The following KYNU variants were observed in gnomAD, a reference collection of about 807,000 sequenced individuals.
The protein encoded by KYNU is kynureninase.
KYNU carries 54 observed loss-of-function variants against 59.2 expected under a neutral mutation model. That is an observed-to-expected ratio of 0.91 (90% CI 0.73 to 1.14). KYNU has a LOEUF of 1.14. KYNU is among the 50% of genes most tolerant of loss of function. The pLI, the probability that KYNU is intolerant of heterozygous loss-of-function variation, is 0.00. For synonymous variants in KYNU, 177 were observed against 192.0 expected (o/e 0.92, Z 0.65); for missense variants, 567 against 554.4 (o/e 1.02, Z -0.23).
At chr2:143,023,172 A>T (rs1208271273) in intron 10 of KYNU, among the ~76,000 whole-genome samples, 1 of 151,908 alleles carries the variant, frequency 6.6e-6, no homozygotes, top group East Asian at 1.9e-4. Context: ...AGCTTTTAAA[A>T]ATCATTCTTA....
chr2:142,951,801 T>A (rs1190954891), intron 4 of KYNU, among the ~76,000 whole-genome samples: 1 of 152,244 alleles, frequency 6.6e-6, no homozygotes, highest in African/African-American at 2.4e-5. Context: ...TTTAAAGTGG[T>A]CCATTGTACA....
intron 2 of KYNU, among the ~76,000 whole-genome samples, chr2:142,890,984 C>A (rs1267151272): frequency 6.6e-6 from 1 of 151,360 alleles, no homozygotes; most frequent in Non-Finnish European, 1.5e-5. Flanking sequence ...CATTTTTTTT[C>A]TCTTAAGGAT....
At chr2:142,949,750 C>G (rs1251534613) in intron 4 of KYNU, among the ~76,000 whole-genome samples, 1 of 152,184 alleles carries the variant, frequency 6.6e-6, no homozygotes, top group Non-Finnish European at 1.5e-5. Context: ...GAGACATTTT[C>G]CCCATTGTCT....
Position 143,042,070 on chromosome 2 carries a change from C to T in KYNU, c.1296C>T (p.Gly432=), listed in dbSNP as rs750043295. 4.9e-5 allele frequency: 79 copies of T among 1,611,424 alleles called. No homozygotes were observed. The highest frequency in any genetic ancestry group is 6.4e-5 in the Non-Finnish European group (75 of 1,178,268). The change falls in exon 14 of 14, where the codon GGC becomes GGT. Residue 432 remains glycine (G), a synonymous_variant. Transcript: ENST00000264170. The stretch of plus-strand genomic sequence containing the variant: ...AGTGTGACAAGCGGAATCCAAATGG[C>T]ATTCGAGTGGCTCCAGTTCCTCTCT... ...GVVCDKRNPN[G]IRVAPVPLYN...
At chr2:142,974,941 A>G (rs1340612633) in intron 8 of KYNU, among the ~76,000 whole-genome samples, 1 of 152,094 alleles carries the variant, frequency 6.6e-6, no homozygotes, top group Non-Finnish European at 1.5e-5. Flanking sequence ...GTTATAAGCT[A>G]CTACACTTTT....
At chr2:142,945,880 G>T (rs1683760284) in intron 4 of KYNU, among the ~76,000 whole-genome samples, 2 of 151,670 alleles carry the variant, frequency 1.3e-5, no homozygotes, top group Non-Finnish European at 2.9e-5. Context: ...TGGGATTACA[G>T]GCATGCACCA....
intron 8 of KYNU, among the ~76,000 whole-genome samples, chr2:142,975,872 A>T (rs894737433): frequency 3.9e-5 from 6 of 152,178 alleles, no homozygotes; most frequent in Non-Finnish European, 5.9e-5. Flanking sequence ...CAAGTTAAAG[A>T]TACTCATTTT....
chr2:143,054,834 T>C lies in KYNU; in HGVS notation c.*12662T>C, dbSNP rs1462088153. On this transcript the variant is annotated 3_prime_UTR_variant, in exon 14 of 14. Transcript: ENST00000264170. ...AGGGAGAAGGCACTACCCTGAATTA[T>C]GAGACTGAAGAGATATAATAAACAA... The C allele has an allele frequency of 1.3e-5, 2 of 152,210 alleles. No homozygotes were observed. The highest frequency in any genetic ancestry group is 4.8e-5 in the African/African-American group (2 of 41,460). 9.4% of individuals were successfully genotyped at this position (152,210 alleles called of 1,614,324 possible). A position where few individuals can be genotyped will look rare whatever the true frequency, so the allele number is the denominator to read the frequency against.
intron 4 of KYNU, among the ~76,000 whole-genome samples, chr2:142,940,469 C>T (rs1683560458): frequency 6.6e-6 from 1 of 152,148 alleles, no homozygotes; most frequent in African/African-American, 2.4e-5. Flanking sequence ...AAGTTTACAG[C>T]TCTATTGCAA....
intron 4 of KYNU, among the ~76,000 whole-genome samples, chr2:142,940,843 C>G (rs913884853): frequency 6.6e-6 from 1 of 152,182 alleles, no homozygotes; most frequent in African/African-American, 2.4e-5. Flanking sequence ...TCCACAGTGC[C>G]CTTTGCAGGC....
intron 8 of KYNU, among the ~76,000 whole-genome samples, chr2:142,978,422 A>G (rs779068970): frequency 1.3e-5 from 2 of 152,166 alleles, no homozygotes; most frequent in Non-Finnish European, 2.9e-5. Context: ...TTGGTATGGT[A>G]TAGAAGCTGC....
At chr2:142,929,939 G>C (rs913991842) in intron 4 of KYNU, among the ~76,000 whole-genome samples, 1 of 152,138 alleles carries the variant, frequency 6.6e-6, no homozygotes, top group Admixed American at 6.5e-5. Flanking sequence ...GGATTGGAAG[G>C]GACTGAAAAG....
At position 142,962,948 on chromosome 2, in the gene KYNU, A is replaced by C. The variant is rs187130539; in HGVS notation, c.729+2178A>C. Among the ~76,000 whole-genome samples, 64 of 152,290 alleles carry C rather than the reference A, an allele frequency of 4.2e-4. 1 individual carries two copies. In the Middle Eastern group the frequency reaches 0.01, roughly 24 times the overall value. Reference sequence around the variant, plus strand: ...ATTAAAGGTGTCAATCAAGAAAGAGATAGGAAATTCTAAGAACAAAGGGCA... The same window carrying C: ...ATTAAAGGTGTCAATCAAGAAAGAGCTAGGAAATTCTAAGAACAAAGGGCA... On this transcript the variant is annotated intron_variant, in intron 8 of 13. Transcript: ENST00000264170.
rs1687278223 is a variant in KYNU at position 143,052,169 on chromosome 2, G to T, written c.*9997G>T. 1.3e-5 allele frequency: 2 copies of T among 152,386 alleles called. No individual in the cohort carries two copies. The highest frequency in any genetic ancestry group is 4.8e-5 in the African/African-American group (2 of 41,460). The allele number at this position is 152,386 out of a possible 1,614,324, so 9.4% of individuals were successfully genotyped here. A position where few individuals can be genotyped will look rare whatever the true frequency, so the allele number is the denominator to read the frequency against. On this transcript the variant is annotated 3_prime_UTR_variant, in exon 14 of 14. Coordinates refer to ENST00000264170, the MANE Select transcript of KYNU (RefSeq NM_003937.3). The stretch of plus-strand genomic sequence containing the variant: ...TTTGTGGGACATTAAACTTGAGACA[G>T]ATTATTTAGGGTATCTGGAGGAAGA...
At chr2:142,919,121 T>C (rs1318081151) in intron 3 of KYNU, among the ~76,000 whole-genome samples, 4 of 152,246 alleles carry the variant, frequency 2.6e-5, no homozygotes, top group African/African-American at 9.6e-5. Context: ...ATATTTTTGA[T>C]CCGCAGTTGG....
At chr2:142,886,761 CT>C (rs914720405) in intron 2 of KYNU, among the ~76,000 whole-genome samples, 5 of 152,138 alleles carry the variant, frequency 3.3e-5, no homozygotes, top group African/African-American at 1.2e-4. Flanking sequence ...ATGTGGAAAC[CT>C]TTAGAAACAG....
chr2:142,962,356 C>T (rs1684382863), intron 8 of KYNU, among the ~76,000 whole-genome samples: 1 of 152,176 alleles, frequency 6.6e-6, no homozygotes, highest in Admixed American at 6.5e-5. Context: ...CAGCACCCAC[C>T]TTACAGGTTC....
At chr2:142,961,483 A>G (rs1047851944) in intron 8 of KYNU, among the ~76,000 whole-genome samples, 3 of 152,130 alleles carry the variant, frequency 2.0e-5, no homozygotes, top group African/African-American at 7.2e-5. Context: ...ATACTTTGTC[A>G]TACTATAAAT....
intron 2 of KYNU, among the ~76,000 whole-genome samples, chr2:142,909,610 A>G (rs1682414193): frequency 1.3e-5 from 2 of 152,160 alleles, no homozygotes. Flanking sequence ...GGCTGCATCC[A>G]TGTTGTTGAA....
Sources: gnomAD v4.1 joint callset for allele counts (sites outside exome capture counted in the v4.1 genomes callset) on GRCh38, gnomAD v4.1.1 for gene constraint, MANE v1.5 for transcripts, NCBI Gene and HGNC (gene_info 2026-07-23, HGNC 2026-07-21) for gene names.